Variants in SULF1 observed in about 807,000 individuals in gnomAD.
SULF1 encodes the protein sulfatase 1.
Under a neutral mutation model 110.5 loss-of-function variants are expected in SULF1, and 46 were observed. The observed-to-expected ratio is 0.42, with a 90% CI of 0.33 to 0.53. The LOEUF (loss-of-function observed/expected upper bound fraction) is 0.53. Ranked by LOEUF, SULF1 falls within the 20% of genes least tolerant of loss-of-function variation. The pLI, the probability that SULF1 is intolerant of heterozygous loss-of-function variation, is 0.12. For synonymous variants in SULF1, 371 were observed against 387.1 expected, an observed-to-expected ratio of 0.96 and a Z score of 0.49; for missense variants, 941 against 1,094.2, an observed-to-expected ratio of 0.86 and a Z score of 1.98.
chr8:69,577,822 G>A (rs56401903), intron 6 of SULF1, among the ~76,000 whole-genome samples: 4,183 of 152,130 alleles, frequency 0.027, 198 homozygotes, highest in African/African-American at 0.095. Context: ...TGAGCTAGTC[G>A]GTGATGGAAT....
At chr8:69,571,343 G>A (rs548835960) in intron 5 of SULF1, among the ~76,000 whole-genome samples, 8 of 152,286 alleles carry the variant, frequency 5.3e-5, no homozygotes, top group African/African-American at 1.2e-4. Flanking sequence ...TAAACTAGTC[G>A]GAGTGGGGAG....
chr8:69,603,005 A>C (rs1171908086), intron 10 of SULF1, among the ~76,000 whole-genome samples, 187 bp from the exon 11 acceptor site: 1 of 152,130 alleles, frequency 6.6e-6, no homozygotes, highest in African/African-American at 2.4e-5. Flanking sequence ...AGAGTCAGTT[A>C]ATCTTGCTCA....
At chr8:69,610,531 G>A (rs1278653413) in intron 13 of SULF1, among the ~76,000 whole-genome samples, 3 of 152,162 alleles carry the variant, frequency 2.0e-5, no homozygotes, top group Admixed American at 2.0e-4. Context: ...AGCTCCCAGT[G>A]CCATCCTTTT....
intron 17 of SULF1, 58 bp from the exon 18 acceptor site, chr8:69,628,113 A>G (rs561484784): frequency 1.4e-6 from 2 of 1,404,974 alleles, no homozygotes; most frequent in South Asian, 2.4e-5. Context: ...TTATAAAATG[A>G]ACACTTTGAT....
rs1197822345 is a variant in SULF1, at chr8:69,616,230, A to ATT, written c.1378-4799_1378-4798dup. Among the ~76,000 whole-genome samples the ATT allele has an allele frequency of 4.1e-4, 58 of 139,992 alleles. No individual in the cohort carries two copies. The East Asian group carries it at 7.1e-3, about 17-fold the overall frequency. 91.8% of individuals were successfully genotyped at this position (139,992 alleles called of 152,430 possible). ...TGTGTGTATATATATATATATATAT[A>ATT]TTTTTTTGAGACGGAGTCTTGCTCT... On this transcript the variant is annotated intron_variant, in intron 13 of 22. Transcript: ENST00000402687.
chr8:69,587,726 G>A (rs567908552), intron 7 of SULF1, among the ~76,000 whole-genome samples: 1 of 152,308 alleles, frequency 6.6e-6, no homozygotes, highest in East Asian at 1.9e-4. Context: ...CTGTAGGGAT[G>A]CTTTTTCATG....
intron 3 of SULF1, among the ~76,000 whole-genome samples, chr8:69,550,365 TG>T (rs1215780875): frequency 6.6e-6 from 1 of 152,168 alleles, no homozygotes; most frequent in East Asian, 1.9e-4. Context: ...TGTTTAATAT[TG>T]GCACATGATC....
chr8:69,544,601 A>G (rs1321539604), intron 3 of SULF1, among the ~76,000 whole-genome samples: 2 of 152,216 alleles, frequency 1.3e-5, no homozygotes, highest in East Asian at 3.8e-4. Context: ...TTTAAAGCAT[A>G]GAAACCTTGT....
chr8:69,623,987 C>T lies in SULF1; in HGVS notation c.1640C>T (p.Ser547Phe). Residue 547 changes from serine to phenylalanine, a missense_variant, in exon 15 of 23, where the codon TCC becomes TTC. Physicochemically the swap from Ser to Phe is radical, Grantham distance 155. Transcript: ENST00000402687. The part of the protein sequence containing the change: ...FVHTRQTRSL[S>F]VEFEGEIYDI... ...CATACTCGGCAGACACGTTCCTTGT[C>T]CGTCGAATTTGAAGGTGAAATATAT... 6.2e-7 allele frequency: 1 copy of T among 1,614,152 alleles called. No homozygotes were observed. Among genetic ancestry groups the T allele is most frequent in the Non-Finnish European group, 8.5e-7 (1 of 1,180,024 alleles).
chr8:69,512,353 C>A (rs1811621070), intron 3 of SULF1, among the ~76,000 whole-genome samples: 1 of 152,194 alleles, frequency 6.6e-6, no homozygotes, highest in Admixed American at 6.5e-5. Context: ...TGATCATCAG[C>A]ATGGCCTGAA....
At chr8:69,476,855 A>G (rs1809320076) in intron 1 of SULF1, among the ~76,000 whole-genome samples, 1 of 152,244 alleles carries the variant, frequency 6.6e-6, no homozygotes, top group African/African-American at 2.4e-5. Flanking sequence ...GAGAGGAAAG[A>G]ATAACACACA....
chr8:69,621,198 G>A lies in SULF1; in HGVS notation c.1541G>A (p.Ser514Asn). The stretch of plus-strand genomic sequence containing the variant: ...TGTAGGGAGTCTGGTTACCGTGCCA[G>A]CAGAAGCCAAAGAAAGAGTCAACGG... ...CSCRESGYRA[S>N]RSQRKSQRQF... Residue 514 changes from serine to asparagine, a missense_variant, in exon 14 of 23, where the codon AGC (serine) becomes AAC (asparagine). Ser to Asn is a conservative substitution (Grantham distance 46). This residue lies in a region of SULF1 where 822 missense variants were observed against 934.3 expected (regional missense o/e 0.88). Coordinates refer to ENST00000402687, the MANE Select transcript of SULF1 (RefSeq NM_001128205.2). 1 of 1,614,020 alleles carries A rather than the reference G, an allele frequency of 6.2e-7. No homozygotes were observed. The highest frequency in any genetic ancestry group is 8.5e-7 in the Non-Finnish European group (1 of 1,179,930).
In SULF1 at chr8:69,578,518, A is replaced by C. The variant is rs868200496; in HGVS notation, c.412+2309A>C. 5.9e-3 allele frequency among the ~76,000 whole-genome samples: 574 copies of C among 97,518 alleles called. 4 individuals carry two copies. The highest frequency in any genetic ancestry group is 0.023 in the African/African-American group (535 of 23,560). The allele number at this position is 97,518 out of a possible 152,430, so 64.0% of individuals were successfully genotyped here. A position where few individuals can be genotyped will look rare whatever the true frequency, so the allele number is the denominator to read the frequency against. Reference sequence around the variant, plus strand: ...TCCCTCCCCCCTCCCCCCACCCCACAACTGACTGACGTTCCAATGGGAAGA... The same window carrying C: ...TCCCTCCCCCCTCCCCCCACCCCACCACTGACTGACGTTCCAATGGGAAGA... On this transcript the variant is annotated intron_variant, in intron 6 of 22. Transcript: ENST00000402687.
chr8:69,607,067 G>A (rs13259226), intron 13 of SULF1, among the ~76,000 whole-genome samples: 5 of 152,158 alleles, frequency 3.3e-5, no homozygotes, highest in South Asian at 2.1e-4. Context: ...CTCTAATCCC[G>A]AACCAGCAGG....
At chr8:69,653,298 G>T (rs115373504) in intron 22 of SULF1, among the ~76,000 whole-genome samples, 2 of 152,108 alleles carry the variant, frequency 1.3e-5, no homozygotes, top group African/African-American at 4.8e-5. Flanking sequence ...TTAAACTCCT[G>T]GGCTCACGCA....
intron 13 of SULF1, among the ~76,000 whole-genome samples, chr8:69,615,601 AAT>A (rs1809033156): frequency 6.6e-6 from 1 of 152,166 alleles, no homozygotes; most frequent in African/African-American, 2.4e-5. Context: ...ATGTATGGAT[AAT>A]ATGTTTGTAT....
intron 3 of SULF1, among the ~76,000 whole-genome samples, chr8:69,541,428 G>A (rs1187052655): frequency 1.3e-5 from 2 of 152,150 alleles, no homozygotes; most frequent in Non-Finnish European, 2.9e-5. Flanking sequence ...GAAAAACCGA[G>A]GCAGTGGAAA....
At chr8:69,628,411 A>T (rs1810265689) in intron 18 of SULF1, among the ~76,000 whole-genome samples, 175 bp downstream of exon 18, 1 of 152,190 alleles carries the variant, frequency 6.6e-6, no homozygotes, top group Non-Finnish European at 1.5e-5. Context: ...TCACCAAGGG[A>T]CCGTGGCAAT....
Position 69,648,548 on chromosome 8 carries a change from G to A in SULF1, c.2585+7707G>A, listed in dbSNP as rs112994600. ...CCTCTTGAAGGCTGAGAGCTGACTG[G>A]GCTAATGAGGCAGGGAAGTACATTC... On this transcript the variant is annotated intron_variant, in intron 22 of 22. Coordinates refer to ENST00000402687, the MANE Select transcript of SULF1 (RefSeq NM_001128205.2). 1.7e-3 allele frequency among the ~76,000 whole-genome samples: 254 copies of A among 152,272 alleles called. 1 individual carries two copies. Among genetic ancestry groups the A allele is most frequent in the African/African-American group, 5.8e-3 (241 of 41,550 alleles).
Sources: gnomAD v4.1 joint callset for allele counts (sites outside exome capture counted in the v4.1 genomes callset) on GRCh38, gnomAD v4.1.1 for gene constraint, gnomAD v4.1.1 regional missense constraint, MANE v1.5 for transcripts, NCBI Gene and HGNC (gene_info 2026-07-23, HGNC 2026-07-21) for gene names.